Variants in TESC observed in about 807,000 individuals in gnomAD.
TESC encodes the protein calcineurin B homologous protein 3.
TESC carries 19 observed loss-of-function variants against 31.0 expected under a neutral mutation model. The observed-to-expected ratio is 0.61, with a 90% CI of 0.43 to 0.90. TESC has a LOEUF of 0.90. Among genes scored for constraint, TESC ranks in the 40% least tolerant of loss-of-function variants. The pLI is 0.00. For missense variants in TESC, 248 were observed against 303.8 expected (o/e 0.82, Z 1.36); for synonymous variants, 109 against 114.8 (o/e 0.95, Z 0.32).
At chr12:117,092,437 CA>C (rs1188797282) in intron 1 of TESC, among the ~76,000 whole-genome samples, 8 of 152,254 alleles carry the variant, frequency 5.3e-5, no homozygotes, top group African/African-American at 1.7e-4. Flanking sequence ...GAAGCTTCCA[CA>C]GCGGGCATTC....
chr12:117,075,969 A>ATG lies in TESC; in HGVS notation c.59-631_59-630dup, dbSNP rs1174981138. Among the ~76,000 whole-genome samples the ATG allele has an allele frequency of 2.6e-5, 3 of 117,428 alleles. 1 individual carries two copies. The highest frequency in any genetic ancestry group is 1.0e-4 in the African/African-American group (3 of 28,762). The allele number at this position is 117,428 out of a possible 152,430, so 77.0% of individuals were successfully genotyped here. Reference sequence around the variant, plus strand: ...TATATACATATATATATATATATGTATGTATATATATATATATTTTTTTTT... The same window carrying ATG: ...TATATACATATATATATATATATGTATGTGTATATATATATATATTTTTTTTT... On this transcript the variant is annotated intron_variant, in intron 1 of 7. Coordinates refer to ENST00000335209, the MANE Select transcript of TESC (RefSeq NM_017899.4).
At chr12:117,061,605 C>A (rs1246576618) in intron 2 of TESC, among the ~76,000 whole-genome samples, 1 of 152,156 alleles carries the variant, frequency 6.6e-6, no homozygotes, top group Non-Finnish European at 1.5e-5. Flanking sequence ...GCTGGCTTCA[C>A]AACCCCCAGT....
In TESC at chr12:117,049,015, G is replaced by A. The variant is rs757473384; in HGVS notation, c.349+4C>T. On this transcript the variant is annotated splice_donor_region_variant and intron_variant, in intron 4 of 7. Transcript: ENST00000335209. Reference sequence around the variant, plus strand: ...TGTGAGCAAGGGGACTCAGTGGCACGCACATCTCAGCTTCTCCTTCCGGGA... The same window carrying A: ...TGTGAGCAAGGGGACTCAGTGGCACACACATCTCAGCTTCTCCTTCCGGGA... 16 of 1,614,086 alleles carry A rather than the reference G, an allele frequency of 9.9e-6. No homozygotes were observed. Among genetic ancestry groups the A allele is most frequent in the South Asian group, 2.2e-5 (2 of 91,074 alleles).
At chr12:117,048,558 C>T (rs1954601127) in intron 4 of TESC, 2 of 378,544 alleles carry the variant, frequency 5.3e-6, no homozygotes, top group African/African-American at 2.1e-5. Flanking sequence ...CTCAGGAACC[C>T]AGCAATAGCA....
intron 3 of TESC, among the ~76,000 whole-genome samples, chr12:117,055,700 C>T (rs534408173): frequency 2.0e-5 from 3 of 152,206 alleles, no homozygotes; most frequent in African/African-American, 7.2e-5. Flanking sequence ...CTGTGGGCAG[C>T]TCTCTGGAGG....
chr12:117,049,545 T>C (rs1054930371), intron 3 of TESC, among the ~76,000 whole-genome samples: 3 of 152,214 alleles, frequency 2.0e-5, no homozygotes, highest in African/African-American at 7.2e-5. Flanking sequence ...GCTCAGGGGT[T>C]GGCAAACAGC....
intron 6 of TESC, among the ~76,000 whole-genome samples, chr12:117,043,455 A>ATTTGT (rs58681371): frequency 0.37 from 56,482 of 151,042 alleles, 11,150 homozygotes; most frequent in African/African-American, 0.5. Flanking sequence ...TTTTGTTTTC[A>ATTTGT]TTTGTTTTGT....
chr12:117,086,890 A>C (rs1955225984), intron 1 of TESC, among the ~76,000 whole-genome samples: 1 of 152,224 alleles, frequency 6.6e-6, no homozygotes, highest in South Asian at 2.1e-4. Flanking sequence ...TAATCCTGTG[A>C]TACCATCATG....
Position 117,057,809 on chromosome 12 carries a change from A to G in TESC, c.129-923T>C, listed in dbSNP as rs554199473. ...GAGATGGAGTCTCGCTCTGCCGCCC[A>G]GGCTGGAGTGCAGTGGTGCAATCCT... On this transcript the variant is annotated intron_variant, in intron 2 of 7. Transcript: ENST00000335209. Among the ~76,000 whole-genome samples, 14 of 152,282 alleles carry G rather than the reference A, an allele frequency of 9.2e-5. No individual in the cohort carries two copies. The East Asian group carries it at 2.7e-3, about 29-fold the overall frequency.
chr12:117,092,225 A>C (rs1955321698), intron 1 of TESC, among the ~76,000 whole-genome samples: 1 of 152,310 alleles, frequency 6.6e-6, no homozygotes, highest in African/African-American at 2.4e-5. Context: ...TCAAAGAAGG[A>C]CACAGCCTGG....
At chr12:117,051,455 G>A (rs892875080) in intron 3 of TESC, among the ~76,000 whole-genome samples, 1 of 152,132 alleles carries the variant, frequency 6.6e-6, no homozygotes, top group Admixed American at 6.5e-5. Flanking sequence ...ATCTTTATGT[G>A]TTTTCACAGG....
intron 2 of TESC, among the ~76,000 whole-genome samples, chr12:117,066,750 A>G (rs991304060): frequency 5.9e-5 from 9 of 152,062 alleles, no homozygotes; most frequent in African/African-American, 1.7e-4. Flanking sequence ...CATAAGCATC[A>G]GAACAGAAGT....
chr12:117,075,883 A>ATG (rs1565971476), intron 1 of TESC, among the ~76,000 whole-genome samples: 1 of 25,892 alleles, frequency 3.9e-5, no homozygotes, highest in Non-Finnish European at 6.5e-5. Flanking sequence ...GTGTATATAT[A>ATG]TATATATATA....
At chr12:117,053,612 T>C (rs959424880) in intron 3 of TESC, among the ~76,000 whole-genome samples, 3 of 152,106 alleles carry the variant, frequency 2.0e-5, no homozygotes, top group African/African-American at 7.2e-5. Flanking sequence ...ACCTCTCATC[T>C]CATCCACCCT....
At chr12:117,042,148 G>A (rs1246010210) in intron 6 of TESC, among the ~76,000 whole-genome samples, 154 bp from the exon 7 acceptor site, 1 of 152,192 alleles carries the variant, frequency 6.6e-6, no homozygotes, top group Non-Finnish European at 1.5e-5. Context: ...AGAACGTTCT[G>A]GATCGTCTGC....
intron 2 of TESC, among the ~76,000 whole-genome samples, chr12:117,066,785 C>T (rs1279989010): frequency 6.6e-6 from 1 of 152,110 alleles, no homozygotes; most frequent in Non-Finnish European, 1.5e-5. Context: ...AGGGGAGCCT[C>T]CCCTTCTCAA....
chr12:117,039,030 C>T lies in TESC; in HGVS notation c.*103G>A, dbSNP rs1284357029. 33 of 1,303,974 alleles carry T rather than the reference C, an allele frequency of 2.5e-5. No homozygotes were observed. The highest frequency in any genetic ancestry group is 5.9e-5 in the African/African-American group (4 of 68,232). The allele number at this position is 1,303,974 out of a possible 1,614,324, so 80.8% of individuals were successfully genotyped here. A position where few individuals can be genotyped will look rare whatever the true frequency, so the allele number is the denominator to read the frequency against. On this transcript the variant is annotated 3_prime_UTR_variant, in exon 8 of 8. Coordinates refer to ENST00000335209, the MANE Select transcript of TESC (RefSeq NM_017899.4). ...GCGCAGACGAGCCTTGGCTATGTAC[C>T]GGCGCTGCAGGAAGAGGCTGTCCGC...
At chr12:117,084,252 A>G (rs556168412) in intron 1 of TESC, among the ~76,000 whole-genome samples, 79 of 152,318 alleles carry the variant, frequency 5.2e-4, no homozygotes, top group African/African-American at 1.9e-3. Context: ...TGAAGGGGCA[A>G]TAGAAGCCAA....
In TESC at chr12:117,039,093, C is replaced by T. The variant is rs374964564; in HGVS notation, c.*40G>A. On this transcript the variant is annotated 3_prime_UTR_variant, in exon 8 of 8. Transcript: ENST00000335209. Reference sequence around the variant, plus strand: ...GCTCCAGCTACGCGGGGAGGCGGCCCCATTGCAAAGTGCAGTTTCTCCGCG... The same window carrying T: ...GCTCCAGCTACGCGGGGAGGCGGCCTCATTGCAAAGTGCAGTTTCTCCGCG... The T allele has an allele frequency of 7.1e-5, 114 of 1,607,846 alleles. 1 individual carries two copies. In the African/African-American group the frequency reaches 1.3e-3, roughly 18 times the overall value.
Sources: allele counts gnomAD v4.1 joint callset (sites outside exome capture counted in the v4.1 genomes callset), GRCh38; gene constraint gnomAD v4.1.1; transcripts MANE v1.5; gene names NCBI Gene and HGNC (gene_info 2026-07-23, HGNC 2026-07-21).